CDK5RAP2: variants seen among roughly 807,000 people sequenced by gnomAD.
The protein encoded by CDK5RAP2 is CDK5 regulatory subunit associated protein 2, also known as CDK5 regulatory subunit-associated protein 2.
CDK5RAP2 carries 147 observed loss-of-function variants against 232.9 expected under a neutral mutation model. The observed-to-expected ratio is 0.63, with a 90% confidence interval of 0.55 to 0.72. CDK5RAP2 has a LOEUF of 0.72. Ranked by LOEUF, CDK5RAP2 falls within the 30% of genes least tolerant of loss-of-function variation. CDK5RAP2 has a pLI of 0.00. For synonymous variants in CDK5RAP2, 833 were observed against 833.7 expected (o/e 1.00, Z 0.01); for missense variants, 2,195 against 2,231.5 (o/e 0.98, Z 0.33).
intron 12 of CDK5RAP2, among the ~76,000 whole-genome samples, chr9:120,494,223 A>G (rs767749947): frequency 2.6e-5 from 4 of 152,252 alleles, no homozygotes; most frequent in Non-Finnish European, 5.9e-5. Context: ...TGCATGTGTC[A>G]ATACACATAT....
chr9:120,536,232 G>A, intron 7 of CDK5RAP2, 140 bp downstream of exon 7: 2 of 831,712 alleles, frequency 2.4e-6, no homozygotes, highest in South Asian at 3.1e-5. Context: ...TAACTGTGTT[G>A]GACTTGTTCC....
intron 25 of CDK5RAP2, among the ~76,000 whole-genome samples, chr9:120,431,229 T>C (rs1274715964): frequency 1.3e-5 from 2 of 152,134 alleles, no homozygotes; most frequent in South Asian, 2.1e-4. Context: ...AACCTGCACA[T>C]TGCGCACATG....
chr9:120,558,100 C>A (rs1319793923), intron 3 of CDK5RAP2, among the ~76,000 whole-genome samples: 7 of 139,008 alleles, frequency 5.0e-5, no homozygotes, highest in Non-Finnish European at 9.4e-5. Flanking sequence ...TTAGGCTGGG[C>A]ACGGTGACTC....
intron 7 of CDK5RAP2, 151 bp downstream of exon 7, chr9:120,536,221 C>G: frequency 1.3e-6 from 1 of 750,298 alleles, no homozygotes; most frequent in Non-Finnish European, 2.2e-6. Context: ...AGTTTTCTAT[C>G]TAACTGTGTT....
chr9:120,438,251 T>C (rs1029056714), intron 24 of CDK5RAP2, among the ~76,000 whole-genome samples: 3 of 152,178 alleles, frequency 2.0e-5, no homozygotes, highest in African/African-American at 7.2e-5. Context: ...TTAAGGGAAA[T>C]GTGACTCATG....
chr9:120,401,685 T>C (rs2033031786), intron 34 of CDK5RAP2, among the ~76,000 whole-genome samples: 1 of 151,136 alleles, frequency 6.6e-6, no homozygotes, highest in Non-Finnish European at 1.5e-5. Flanking sequence ...AAAAAATCAT[T>C]ATAAATGAAA....
chr9:120,528,784 T>C lies in CDK5RAP2; in HGVS notation c.839A>G (p.Glu280Gly). The C allele has an allele frequency of 6.2e-7, 1 of 1,609,812 alleles. No homozygotes were observed. Among genetic ancestry groups the C allele is most frequent in the Non-Finnish European group, 8.5e-7 (1 of 1,176,018 alleles). ...AAAGCTGTTTCTCTCCTTCTGATGC[T>C]CCATTTGTGCAGCCTAAGAAAAGGC... ...KERETEAAQM[E>G]HQKERNSFEE... is the part of the protein sequence containing the mutation. Residue 280 changes from glutamate (E) to glycine (G), a missense_variant, in exon 9 of 38, where the codon GAG (glutamate) becomes GGG (glycine). By Grantham distance (98) the Glu-to-Gly change is moderately conservative. Transcript: ENST00000349780.
intron 35 of CDK5RAP2, among the ~76,000 whole-genome samples, chr9:120,398,126 CACTCACT>C (rs2032680529): frequency 6.6e-6 from 1 of 152,180 alleles, no homozygotes; most frequent in African/African-American, 2.4e-5. Flanking sequence ...GCATCAAGGG[CACTCACT>C]GGTGCTAGAA....
intron 20 of CDK5RAP2, among the ~76,000 whole-genome samples, 187 bp downstream of exon 20, chr9:120,458,263 G>A (rs529817491): frequency 3.3e-5 from 5 of 152,204 alleles, no homozygotes; most frequent in South Asian, 4.2e-4. Flanking sequence ...CTTTGCTGAC[G>A]TCCCCTCACA....
intron 5 of CDK5RAP2, among the ~76,000 whole-genome samples, chr9:120,540,181 A>T (rs2041570137): frequency 6.6e-6 from 1 of 152,206 alleles, no homozygotes; most frequent in African/African-American, 2.4e-5. Flanking sequence ...ACAACCACCG[A>T]TGCCAGAAGA....
intron 11 of CDK5RAP2, among the ~76,000 whole-genome samples, chr9:120,523,119 C>T (rs1297448900): frequency 1.3e-5 from 2 of 152,200 alleles, no homozygotes; most frequent in African/African-American, 4.8e-5. Flanking sequence ...TACAACAGTT[C>T]CTGATCTCTG....
chr9:120,524,888 C>T lies in CDK5RAP2; in HGVS notation c.1092+98G>A, dbSNP rs1194804922. 1.4e-5 allele frequency: 12 copies of T among 836,896 alleles called. 1 individual carries two copies. The Middle Eastern group carries it at 1.8e-3, about 125-fold the overall frequency. The allele number at this position is 836,896 out of a possible 1,614,324, so 51.8% of individuals were successfully genotyped here. On this transcript the variant is annotated intron_variant, in intron 11 of 37. Transcript: ENST00000349780. ...ATCACTGAAGACCACCCACAGTTTT[C>T]CTTATTAAAATCACCCAAGTTCTTT...
At chr9:120,567,961 C>G (rs1279378548) in intron 3 of CDK5RAP2, among the ~76,000 whole-genome samples, 1 of 152,114 alleles carries the variant, frequency 6.6e-6, no homozygotes, top group African/African-American at 2.4e-5. Flanking sequence ...AAATAACATG[C>G]CTTATAGTAA....
At chr9:120,421,330 C>T (rs1311124677) in intron 26 of CDK5RAP2, among the ~76,000 whole-genome samples, 1 of 152,190 alleles carries the variant, frequency 6.6e-6, no homozygotes. Flanking sequence ...TAAAGCATGC[C>T]AGTGGGATGT....
chr9:120,417,410 C>T (rs1224491430), intron 27 of CDK5RAP2, among the ~76,000 whole-genome samples: 1 of 152,272 alleles, frequency 6.6e-6, no homozygotes, highest in East Asian at 1.9e-4. Context: ...CTCCTTGCTC[C>T]TGCCTTGGTG....
chr9:120,522,543 C>T (rs562705600), intron 11 of CDK5RAP2, among the ~76,000 whole-genome samples: 44 of 152,324 alleles, frequency 2.9e-4, no homozygotes, highest in Admixed American at 6.5e-4. Context: ...TTCTATCAAC[C>T]TCTCACTACT....
At chr9:120,396,091 T>C (rs1176223287) in intron 35 of CDK5RAP2, among the ~76,000 whole-genome samples, 1 of 152,276 alleles carries the variant, frequency 6.6e-6, no homozygotes, top group African/African-American at 2.4e-5. Context: ...CAAATGAATG[T>C]ACATTTATCT....
At chr9:120,553,868 C>T (rs1367288175) in intron 3 of CDK5RAP2, among the ~76,000 whole-genome samples, 1 of 152,132 alleles carries the variant, frequency 6.6e-6, no homozygotes, top group African/African-American at 2.4e-5. Flanking sequence ...CTCAAGGATT[C>T]CTCTCACCTA....
chr9:120,561,910 GT>G (rs1303667384), intron 3 of CDK5RAP2, among the ~76,000 whole-genome samples: 5 of 152,184 alleles, frequency 3.3e-5, no homozygotes, highest in African/African-American at 1.2e-4. Flanking sequence ...CTCATGGAAA[GT>G]GACCAGCTTT....
Sources: gnomAD v4.1 joint callset for allele counts (sites outside exome capture counted in the v4.1 genomes callset) on GRCh38, gnomAD v4.1.1 for gene constraint, MANE v1.5 for transcripts, NCBI Gene and HGNC (gene_info 2026-07-23, HGNC 2026-07-21) for gene names.